The following IMMP2L variants were observed in gnomAD, a reference collection of about 807,000 sequenced individuals.
The protein encoded by IMMP2L is mitochondrial inner membrane protease subunit 2.
In IMMP2L, 18 loss-of-function variants were observed where a neutral mutation model predicts 19.3. That is an observed-to-expected ratio of 0.93 (90% CI 0.64 to 1.38). The LOEUF is 1.38. Among genes scored for constraint, IMMP2L ranks in the 40% most tolerant of loss-of-function variants. The probability of loss-of-function intolerance (pLI) is 0.00; values close to 1 mark genes in which losing one functional copy is unlikely to be tolerated. For synonymous variants in IMMP2L, 76 were observed against 73.0 expected (o/e 1.04, Z -0.21); for missense variants, 233 against 218.2 (o/e 1.07, Z -0.43).
chr7:111,527,768 A>G (rs1178992304), intron 1 of IMMP2L, among the ~76,000 whole-genome samples: 1 of 152,158 alleles, frequency 6.6e-6, no homozygotes, highest in Non-Finnish European at 1.5e-5. Flanking sequence ...ACTGCTGACC[A>G]GAGCATTGCT....
intron 1 of IMMP2L, among the ~76,000 whole-genome samples, chr7:111,534,054 T>C (rs1206181979): frequency 6.6e-6 from 1 of 151,964 alleles, no homozygotes; most frequent in Non-Finnish European, 1.5e-5. Flanking sequence ...ACAAACACAC[T>C]AATAATAAAA....
intron 5 of IMMP2L, among the ~76,000 whole-genome samples, chr7:110,785,031 T>C (rs1799976832): frequency 6.6e-6 from 1 of 151,976 alleles, no homozygotes; most frequent in South Asian, 2.1e-4. Context: ...AGAAATAAGG[T>C]TAATTTTAAC....
intron 3 of IMMP2L, among the ~76,000 whole-genome samples, chr7:111,372,756 T>C (rs923683329): frequency 6.6e-6 from 1 of 152,156 alleles, no homozygotes; most frequent in Non-Finnish European, 1.5e-5. Flanking sequence ...GAACATAATG[T>C]ATGAGCAAGG....
intron 3 of IMMP2L, among the ~76,000 whole-genome samples, chr7:111,052,061 T>C (rs980918370): frequency 1.6e-4 from 25 of 152,150 alleles, no homozygotes; most frequent in African/African-American, 6.0e-4. Context: ...AGATTCTTTG[T>C]AGCAATACCC....
At chr7:110,913,210 T>G (rs556909414) in intron 4 of IMMP2L, among the ~76,000 whole-genome samples, 135 of 152,270 alleles carry the variant, frequency 8.9e-4, no homozygotes, top group African/African-American at 3.1e-3. Flanking sequence ...TAATAACCAC[T>G]GGGTACTGGA....
At chr7:110,830,591 C>A (rs576001320) in intron 5 of IMMP2L, among the ~76,000 whole-genome samples, 1 of 151,990 alleles carries the variant, frequency 6.6e-6, no homozygotes, top group Non-Finnish European at 1.5e-5. Context: ...AAAAAAACAT[C>A]AAAATATTTC....
chr7:110,873,706 G>A (rs1449419797), intron 5 of IMMP2L, among the ~76,000 whole-genome samples: 3 of 151,146 alleles, frequency 2.0e-5, no homozygotes, highest in Non-Finnish European at 2.9e-5. Flanking sequence ...CCCAGGAGGC[G>A]GAGGTTGCAG....
chr7:110,926,888 G>A (rs1814914957), intron 4 of IMMP2L, among the ~76,000 whole-genome samples: 1 of 152,106 alleles, frequency 6.6e-6, no homozygotes. Context: ...AAGAAAAGCT[G>A]TTCAGGGGAC....
At chr7:110,677,325 A>AT (rs1177742936) in intron 5 of IMMP2L, among the ~76,000 whole-genome samples, 1 of 152,206 alleles carries the variant, frequency 6.6e-6, no homozygotes, top group African/African-American at 2.4e-5. Flanking sequence ...TCAAAAAGAT[A>AT]TTTTTTAAAA....
chr7:111,131,693 T>A (rs890275859), intron 3 of IMMP2L, among the ~76,000 whole-genome samples: 8 of 151,998 alleles, frequency 5.3e-5, no homozygotes, highest in African/African-American at 1.9e-4. Context: ...ATACATTACA[T>A]AATTACAACC....
intron 3 of IMMP2L, among the ~76,000 whole-genome samples, chr7:111,281,208 AAGAAAGAAAAAG>A (rs1477207996): frequency 3.0e-3 from 162 of 53,774 alleles, no homozygotes; most frequent in Middle Eastern, 0.019. Context: ...GAAAGAAAGA[AAGAAAGAAAAAG>A]AAAGAAAGAA....
intron 3 of IMMP2L, among the ~76,000 whole-genome samples, chr7:111,435,888 T>C (rs1242828712): frequency 6.6e-6 from 1 of 151,682 alleles, no homozygotes. Flanking sequence ...GTGGGCCCCA[T>C]TCATCAAGGA....
rs1469407790 is a variant in IMMP2L at position 111,500,909 on chromosome 7, A to T, written c.136-13568T>A. On this transcript the variant is annotated intron_variant, in intron 2 of 5. Transcript: ENST00000405709. ...AGAAAAACTGGAAACTCTAAAAAGCAGAGTGCCTCTCCTCCTCCAAAGGAA... is the reference window on the plus strand; with the variant it reads ...AGAAAAACTGGAAACTCTAAAAAGCTGAGTGCCTCTCCTCCTCCAAAGGAA... 3.3e-5 allele frequency among the ~76,000 whole-genome samples: 5 copies of T among 152,312 alleles called. No homozygotes were observed. The East Asian group carries it at 9.6e-4, about 29-fold the overall frequency.
chr7:111,514,327 C>A (rs1483238791), intron 2 of IMMP2L, among the ~76,000 whole-genome samples: 1 of 151,794 alleles, frequency 6.6e-6, no homozygotes, highest in Non-Finnish European at 1.5e-5. Flanking sequence ...AATGAGAACA[C>A]TTGGACACAG....
rs563518339 is a variant in IMMP2L, at chr7:111,375,442, T to C, written c.239+111796A>G. On this transcript the variant is annotated intron_variant, in intron 3 of 5. Transcript: ENST00000405709. ...TGTGCATTTTCAACAAACACAGTTC[T>C]CATGTAGGTAGAAAACAACATGTAA... Among the ~76,000 whole-genome samples the C allele has an allele frequency of 3.3e-5, 5 of 152,232 alleles. No homozygotes were observed. The East Asian group carries it at 9.7e-4, about 29-fold the overall frequency.
chr7:111,134,935 G>C (rs1416420476), intron 3 of IMMP2L, among the ~76,000 whole-genome samples: 1 of 151,982 alleles, frequency 6.6e-6, no homozygotes, highest in East Asian at 1.9e-4. Flanking sequence ...ATCAATAATA[G>C]AAAAGGGCCA....
At chr7:110,843,011 A>T (rs533567363) in intron 5 of IMMP2L, among the ~76,000 whole-genome samples, 3 of 152,196 alleles carry the variant, frequency 2.0e-5, no homozygotes, top group Non-Finnish European at 1.5e-5. Context: ...CGAATCAGAT[A>T]AAAAAAATCT....
chr7:110,972,943 C>T (rs558680689), intron 3 of IMMP2L, among the ~76,000 whole-genome samples: 1 of 152,126 alleles, frequency 6.6e-6, no homozygotes, highest in South Asian at 2.1e-4. Context: ...TTTGTCCTTT[C>T]CCTTATTAGG....
intron 3 of IMMP2L, among the ~76,000 whole-genome samples, chr7:111,031,070 A>G (rs73435139): frequency 0.1 from 15,398 of 151,618 alleles, 1,467 homozygotes; most frequent in African/African-American, 0.26. Context: ...GGTAGGAGAC[A>G]CAGTATGAAC....
Sources: allele counts gnomAD v4.1 joint callset (sites outside exome capture counted in the v4.1 genomes callset), GRCh38; gene constraint gnomAD v4.1.1; transcripts MANE v1.5; gene names NCBI Gene and HGNC (gene_info 2026-07-23, HGNC 2026-07-21).